ERICH3: variants seen among roughly 807,000 people sequenced by gnomAD.
ERICH3 encodes the protein glutamate rich 3, also known as glutamate-rich protein 3.
In ERICH3, 126 loss-of-function variants were observed where a neutral mutation model predicts 131.1. The observed-to-expected ratio is 0.96, with a 90% confidence interval of 0.83 to 1.11. ERICH3 has a LOEUF of 1.11. ERICH3 is among the 50% of genes most tolerant of loss of function. The pLI, the probability that ERICH3 is intolerant of heterozygous loss-of-function variation, is 0.00. For missense variants in ERICH3, 2,050 were observed against 1,810.7 expected (o/e 1.13, Z -2.40); for synonymous variants, 695 against 644.6 (o/e 1.08, Z -1.18).
chr1:74,601,492 A>G (rs1314212323), intron 10 of ERICH3, among the ~76,000 whole-genome samples: 1 of 151,870 alleles, frequency 6.6e-6, no homozygotes, highest in African/African-American at 2.4e-5. Context: ...TTTCAACACA[A>G]TGGGGCTGGG....
chr1:74,571,081 C>T lies in ERICH3; in HGVS notation c.*18+18G>A, dbSNP rs775126242. 1.0e-4 allele frequency: 159 copies of T among 1,587,936 alleles called. No homozygotes were observed. Among genetic ancestry groups the T allele is most frequent in the Admixed American group, 3.4e-4 (20 of 58,716 alleles). ...GGGCTGCTATTTAGTCCTACAAAGA[C>T]ATTACGCTTAAACTCACTGTCTGCC... On this transcript the variant is annotated intron_variant, in intron 14 of 14. Transcript: ENST00000326665.
intron 13 of ERICH3, 111 bp downstream of exon 13, chr1:74,576,784 A>G: frequency 2.1e-6 from 2 of 965,778 alleles, no homozygotes; most frequent in Non-Finnish European, 3.1e-6. Context: ...AAGTCATTCA[A>G]TAAATACTAG....
chr1:74,581,783 A>G (rs930138575), intron 12 of ERICH3, among the ~76,000 whole-genome samples: 1 of 152,158 alleles, frequency 6.6e-6, no homozygotes, highest in Non-Finnish European at 1.5e-5. Context: ...TTCATTTTGT[A>G]TTTTCCACTA....
At chr1:74,607,558 C>G (rs767777008) in intron 9 of ERICH3, among the ~76,000 whole-genome samples, 1 of 151,828 alleles carries the variant, frequency 6.6e-6, no homozygotes, top group Non-Finnish European at 1.5e-5. Flanking sequence ...ATAGAACTGT[C>G]ATTATTGCTT....
intron 1 of ERICH3, among the ~76,000 whole-genome samples, chr1:74,655,436 C>T (rs2100648361): frequency 6.6e-6 from 1 of 152,276 alleles, no homozygotes; most frequent in African/African-American, 2.4e-5. Flanking sequence ...ATTCTGGAGG[C>T]TGCCTACATG....
intron 10 of ERICH3, among the ~76,000 whole-genome samples, chr1:74,603,506 T>A (rs1426268749): frequency 6.6e-6 from 1 of 151,782 alleles, no homozygotes; most frequent in Non-Finnish European, 1.5e-5. Flanking sequence ...TATTGCTGCT[T>A]TAGGTATAAG....
intron 7 of ERICH3, among the ~76,000 whole-genome samples, chr1:74,628,559 A>G (rs1228135615): frequency 3.3e-5 from 5 of 152,098 alleles, no homozygotes; most frequent in African/African-American, 1.2e-4. Flanking sequence ...TGTTATTGGT[A>G]AGGCTTCCAG....
At chr1:74,667,096 T>A (rs895924852) in intron 1 of ERICH3, among the ~76,000 whole-genome samples, 1 of 91,112 alleles carries the variant, frequency 1.1e-5, no homozygotes, top group South Asian at 4.1e-4. Context: ...TTACCTTAAA[T>A]TTTTTTTAAT....
At chr1:74,588,728 T>A (rs1369134993) in intron 12 of ERICH3, among the ~76,000 whole-genome samples, 1 of 151,986 alleles carries the variant, frequency 6.6e-6, no homozygotes, top group African/African-American at 2.4e-5. Context: ...GCAGGTGCAA[T>A]CCAGCTCTCC....
At chr1:74,634,614 T>A in intron 6 of ERICH3, 1 of 706,754 alleles carries the variant, frequency 1.4e-6, no homozygotes, top group Non-Finnish European at 2.6e-6. Context: ...AAACAAAGTA[T>A]TGATCAAAGT....
chr1:74,622,310 A>G (rs923816498), intron 7 of ERICH3: 6 of 152,250 alleles, frequency 3.9e-5, no homozygotes, highest in Non-Finnish European at 5.9e-5. Context: ...AGAGCTCTCA[A>G]ATAAAGAGAT....
Position 74,606,901 on chromosome 1 carries a change from A to T in ERICH3, c.1189T>A (p.Cys397Ser), listed in dbSNP as rs1648425991. 1 of 1,607,432 alleles carries T rather than the reference A, an allele frequency of 6.2e-7. No homozygotes were observed. Among genetic ancestry groups the T allele is most frequent in the South Asian group, 1.1e-5 (1 of 89,826 alleles). ...TTGTCAAGGCCCATTGCAATAATGC[A>T]CCTATGAAAAATATTAGCAGGAAGT... is the stretch of plus-strand genomic sequence containing the variant. ...CVERSSPCYK[C>S]IIAMGLDKKP... The change falls in exon 10 of 15, where the codon TGC becomes AGC. Residue 397 changes from cysteine to serine, a missense_variant and splice_region_variant. By Grantham distance (112) the Cys-to-Ser change is moderately radical. Coordinates refer to ENST00000326665, the MANE Select transcript of ERICH3 (RefSeq NM_001002912.5).
chr1:74,612,522 T>C, intron 9 of ERICH3, 101 bp downstream of exon 9: 3 of 1,096,776 alleles, frequency 2.7e-6, no homozygotes, highest in Non-Finnish European at 3.8e-6. Flanking sequence ...CCATCTATAC[T>C]GAATTTCCTT....
intron 12 of ERICH3, among the ~76,000 whole-genome samples, chr1:74,582,030 CA>C (rs897398416): frequency 3.3e-5 from 5 of 152,276 alleles, no homozygotes; most frequent in Admixed American, 2.0e-4. Flanking sequence ...TTGACATTGC[CA>C]TCTTCTTTGT....
intron 1 of ERICH3, among the ~76,000 whole-genome samples, chr1:74,650,428 G>A (rs568829159): frequency 4.6e-5 from 7 of 152,064 alleles, no homozygotes; most frequent in Non-Finnish European, 7.4e-5. Flanking sequence ...TGTATACATG[G>A]TGCATGCACA....
chr1:74,664,998 C>A (rs562992617), intron 1 of ERICH3, among the ~76,000 whole-genome samples: 1 of 152,008 alleles, frequency 6.6e-6, no homozygotes, highest in Non-Finnish European at 1.5e-5. Flanking sequence ...TCTGTATCAC[C>A]CCAAAATTCA....
At chr1:74,573,630 A>C (rs1456336565) in intron 13 of ERICH3, 139 bp from the exon 14 acceptor site, 1 of 1,039,708 alleles carries the variant, frequency 9.6e-7, no homozygotes, top group Non-Finnish European at 1.2e-6. Context: ...TATATATAAA[A>C]CACTTTCTCC....
chr1:74,598,622 A>G (rs972144513), intron 11 of ERICH3, among the ~76,000 whole-genome samples: 1 of 151,876 alleles, frequency 6.6e-6, no homozygotes, highest in Non-Finnish European at 1.5e-5. Context: ...CAAAATATTC[A>G]CAGAAAAGGA....
rs1441587953 is a variant in ERICH3 at position 74,649,330 on chromosome 1, T to C, written c.24-15A>G. 2 of 1,589,112 alleles carry C rather than the reference T, an allele frequency of 1.3e-6. No individual in the cohort carries two copies. The highest frequency in any genetic ancestry group is 1.1e-5 in the South Asian group (1 of 89,252). On this transcript the variant is annotated splice_polypyrimidine_tract_variant and intron_variant, in intron 1 of 14. Coordinates refer to ENST00000326665, the MANE Select transcript of ERICH3 (RefSeq NM_001002912.5). ...CAGCAAGTAACCTAAAATACAAAAA[T>C]AAAACCAATAAGCTTTTACAAGGGG...
Sources: gnomAD v4.1 joint callset for allele counts (sites outside exome capture counted in the v4.1 genomes callset) on GRCh38, gnomAD v4.1.1 for gene constraint, MANE v1.5 for transcripts, NCBI Gene and HGNC (gene_info 2026-07-23, HGNC 2026-07-21) for gene names.